The following MAD1L1 variants were observed in gnomAD, a reference collection of about 807,000 sequenced individuals.
MAD1L1 encodes the protein mitotic arrest deficient 1 like 1.
In MAD1L1, 95 loss-of-function variants were observed where a neutral mutation model predicts 96.9. That is an observed-to-expected ratio of 0.98 (90% CI 0.83 to 1.16). The LOEUF is 1.16. MAD1L1 is among the 50% of genes most tolerant of loss of function. The probability of loss-of-function intolerance (pLI) is 0.00; values close to 1 mark genes in which losing one functional copy is unlikely to be tolerated. For missense variants in MAD1L1, 1,007 were observed against 954.4 expected, an observed-to-expected ratio of 1.06 and a Z score of -0.73; for synonymous variants, 473 against 396.6, an observed-to-expected ratio of 1.19 and a Z score of -2.29.
At position 2,088,325 on chromosome 7, in the gene MAD1L1, G is replaced by A. The variant is rs1025721154; in HGVS notation, c.1074-18987C>T. Among the ~76,000 whole-genome samples the A allele has an allele frequency of 2.0e-5, 3 of 152,294 alleles. No homozygotes were observed. The highest frequency in any genetic ancestry group is 1.9e-4 in the East Asian group (1 of 5,178). On this transcript the variant is annotated intron_variant, in intron 11 of 18. Coordinates refer to ENST00000265854, the MANE Select transcript of MAD1L1 (RefSeq NM_001013836.2). The surrounding 1 kb of genome is among the most constrained non-coding windows in gnomAD (Gnocchi z 4.4). ...GGCTGCGCCATCTGGTTACCAGCAC[G>A]GTGGTCTCGTGCTACCCTGGTTCCG...
At chr7:1,958,216 G>A (rs1284224782) in intron 15 of MAD1L1, among the ~76,000 whole-genome samples, 1 of 152,184 alleles carries the variant, frequency 6.6e-6, no homozygotes, top group Non-Finnish European at 1.5e-5. Context: ...ATTCAGATGA[G>A]AAACAAAAGC....
intron 18 of MAD1L1, among the ~76,000 whole-genome samples, chr7:1,877,815 A>G (rs1347246300): frequency 1.3e-5 from 2 of 152,208 alleles, no homozygotes; most frequent in African/African-American, 4.8e-5. Context: ...TTATAATTAC[A>G]ATTGCAAGTG....
At chr7:1,996,646 C>T (rs1325396588) in intron 14 of MAD1L1, among the ~76,000 whole-genome samples, 2 of 152,222 alleles carry the variant, frequency 1.3e-5, no homozygotes, top group Non-Finnish European at 2.9e-5. Flanking sequence ...GCAGCCTGTC[C>T]GGGCCTCAGT....
At chr7:2,201,430 G>C (rs1792291933) in intron 10 of MAD1L1, among the ~76,000 whole-genome samples, 1 of 152,140 alleles carries the variant, frequency 6.6e-6, no homozygotes, top group African/African-American at 2.4e-5. Context: ...AGCCCACAAG[G>C]AGGGGACAGC....
At chr7:1,900,688 T>C (rs1017819044) in intron 17 of MAD1L1, among the ~76,000 whole-genome samples, 1 of 152,166 alleles carries the variant, frequency 6.6e-6, no homozygotes, top group Non-Finnish European at 1.5e-5. Flanking sequence ...GAGGCCATAT[T>C]TCACCCTAAC....
intron 18 of MAD1L1, among the ~76,000 whole-genome samples, chr7:1,850,779 G>A (rs1186469994): frequency 6.6e-6 from 1 of 152,170 alleles, no homozygotes; most frequent in Admixed American, 6.5e-5. Flanking sequence ...CAGTGATTGC[G>A]ACAACAGCAA....
Position 2,034,671 on chromosome 7 carries a change from C to T in MAD1L1, c.1219-20029G>A, listed in dbSNP as rs141894078. 5.4e-3 allele frequency among the ~76,000 whole-genome samples: 827 copies of T among 152,360 alleles called. 5 individuals are homozygous for T. The highest frequency in any genetic ancestry group is 8.5e-3 in the Non-Finnish European group (579 of 68,032). ...CTGCCAGCTCTGCCACAGCAGTCCC[C>T]ACACTCGGCTGCCTCCATGGCACCT... On this transcript the variant is annotated intron_variant, in intron 12 of 18. Coordinates refer to ENST00000265854, the MANE Select transcript of MAD1L1 (RefSeq NM_001013836.2).
intron 18 of MAD1L1, among the ~76,000 whole-genome samples, chr7:1,862,910 G>A (rs1028994524): frequency 1.2e-4 from 18 of 152,224 alleles, no homozygotes; most frequent in African/African-American, 4.1e-4. Context: ...AAAGGGGCCC[G>A]CAGGGTCAGA....
chr7:2,092,553 C>T (rs1038848508), intron 11 of MAD1L1, among the ~76,000 whole-genome samples: 10 of 152,134 alleles, frequency 6.6e-5, no homozygotes, highest in African/African-American at 2.2e-4. Flanking sequence ...AACCATGCCC[C>T]GCCCGAGCAT....
chr7:2,133,512 T>A (rs1788612913), intron 11 of MAD1L1, among the ~76,000 whole-genome samples: 1 of 152,248 alleles, frequency 6.6e-6, no homozygotes, highest in Non-Finnish European at 1.5e-5. Context: ...CTTCTCCTTT[T>A]ATTCTCAACA....
chr7:2,071,826 T>C (rs191612105), intron 11 of MAD1L1, among the ~76,000 whole-genome samples: 286 of 151,982 alleles, frequency 1.9e-3, no homozygotes, highest in African/African-American at 6.3e-3. Flanking sequence ...GCTTCCACTC[T>C]TCCCGGAGGG....
At chr7:2,129,138 C>A (rs1788383780) in intron 11 of MAD1L1, among the ~76,000 whole-genome samples, 1 of 152,126 alleles carries the variant, frequency 6.6e-6, no homozygotes, top group Non-Finnish European at 1.5e-5. Context: ...GGGGCAGGGA[C>A]CGGGCAGGCG....
chr7:2,152,627 C>A (rs1789635469), intron 10 of MAD1L1, among the ~76,000 whole-genome samples: 1 of 152,106 alleles, frequency 6.6e-6, no homozygotes, highest in Admixed American at 6.5e-5. Flanking sequence ...GGAGATGGAC[C>A]CATGGGAGAA....
chr7:2,179,838 G>A (rs1039688669), intron 10 of MAD1L1, among the ~76,000 whole-genome samples: 2 of 152,006 alleles, frequency 1.3e-5, no homozygotes, highest in Non-Finnish European at 2.9e-5. Context: ...GGGCGTGGTG[G>A]CAGGCACCTG....
In MAD1L1 at chr7:1,874,960, C is replaced by T. The variant is rs111536983; in HGVS notation, c.1998+23240G>A. On this transcript the variant is annotated intron_variant, in intron 18 of 18. Coordinates refer to ENST00000265854, the MANE Select transcript of MAD1L1 (RefSeq NM_001013836.2). Reference sequence around the variant, plus strand: ...GAGTGGCCCCCACCCCGGGCCCCGGCTGGGCCTGGGAGCTCCAGGGCAGGC... The same window carrying T: ...GAGTGGCCCCCACCCCGGGCCCCGGTTGGGCCTGGGAGCTCCAGGGCAGGC... Among the ~76,000 whole-genome samples the T allele has an allele frequency of 4.6e-5, 7 of 152,302 alleles. No individual in the cohort carries two copies. In the South Asian group the frequency reaches 6.2e-4, roughly 14 times the overall value.
chr7:2,199,514 C>T (rs1043797248), intron 10 of MAD1L1, among the ~76,000 whole-genome samples: 22 of 152,392 alleles, frequency 1.4e-4, no homozygotes, highest in African/African-American at 5.3e-4. Flanking sequence ...TTCTTTAAAT[C>T]ATTGATGGTT....
At chr7:2,027,406 A>C (rs534851134) in intron 12 of MAD1L1, among the ~76,000 whole-genome samples, 1 of 152,250 alleles carries the variant, frequency 6.6e-6, no homozygotes, top group Non-Finnish European at 1.5e-5. Flanking sequence ...CTGAGAAATG[A>C]AAAGTAATGA....
intron 17 of MAD1L1, among the ~76,000 whole-genome samples, chr7:1,905,544 G>A (rs1253157649): frequency 1.3e-5 from 2 of 152,120 alleles, no homozygotes; most frequent in African/African-American, 2.4e-5. Context: ...TATGGAAGAC[G>A]CTCTTGTGGA....
chr7:1,860,102 G>A (rs1253108348), intron 18 of MAD1L1, among the ~76,000 whole-genome samples: 14 of 144,576 alleles, frequency 9.7e-5, no homozygotes, highest in Admixed American at 8.9e-4. Flanking sequence ...GACATCCTGC[G>A]GGGCGGCCTC....
Sources: allele counts gnomAD v4.1 joint callset (sites outside exome capture counted in the v4.1 genomes callset), GRCh38; gene constraint gnomAD v4.1.1; non-coding constraint Gnocchi (gnomAD v3.1); transcripts MANE v1.5; gene names NCBI Gene and HGNC (gene_info 2026-07-23, HGNC 2026-07-21).